Variants in ZBTB20 observed in about 807,000 individuals in gnomAD.
ZBTB20 encodes the protein zinc finger and BTB domain-containing protein 20.
In ZBTB20, 9 loss-of-function variants were observed where a neutral mutation model predicts 56.9. The ratio of observed to expected loss-of-function variants is 0.16; its 90% CI spans 0.10 to 0.28. The LOEUF is 0.28. Ranked by LOEUF, ZBTB20 falls within the 10% of genes least tolerant of loss-of-function variation. The pLI is 1.00. For synonymous variants in ZBTB20, 417 were observed against 420.7 expected, an observed-to-expected ratio of 0.99 and a Z score of 0.11; for missense variants, 655 against 1,003.0, an observed-to-expected ratio of 0.65 and a Z score of 4.69.
At chr3:114,418,121 A>G (rs1179920132) in intron 7 of ZBTB20, among the ~76,000 whole-genome samples, 1 of 150,560 alleles carries the variant, frequency 6.6e-6, no homozygotes, top group Middle Eastern at 3.4e-3. Context: ...AGGAAGAAGG[A>G]TCAACCTTGA....
At chr3:114,511,709 G>A (rs567526618) in intron 6 of ZBTB20, among the ~76,000 whole-genome samples, 45 of 152,062 alleles carry the variant, frequency 3.0e-4, no homozygotes, top group African/African-American at 1.0e-3. Context: ...TAGAACTGGA[G>A]ACCTTATAGA....
At chr3:115,042,175 G>C (rs2108395106) in intron 2 of ZBTB20, among the ~76,000 whole-genome samples, 1 of 152,208 alleles carries the variant, frequency 6.6e-6, no homozygotes, top group East Asian at 1.9e-4. Flanking sequence ...AATTTGAGAT[G>C]TACAGAGGAA....
At chr3:114,763,966 A>T (rs142271143) in intron 5 of ZBTB20, among the ~76,000 whole-genome samples, 34 of 152,330 alleles carry the variant, frequency 2.2e-4, no homozygotes, top group Non-Finnish European at 4.4e-4. Context: ...ACACTTATGA[A>T]GGAAGACTAT....
intron 3 of ZBTB20, among the ~76,000 whole-genome samples, chr3:114,964,758 G>A (rs191457217): frequency 7.2e-5 from 11 of 152,172 alleles, no homozygotes; most frequent in Admixed American, 4.6e-4. Context: ...GACTGAGACC[G>A]AATTAAGAAT....
chr3:114,495,555 T>C (rs767925627), intron 7 of ZBTB20, among the ~76,000 whole-genome samples: 2 of 152,334 alleles, frequency 1.3e-5, no homozygotes, highest in Middle Eastern at 3.4e-3. Context: ...AGTAATACTT[T>C]ATTTCTCTTA....
chr3:114,410,418 G>C (rs914394104), intron 7 of ZBTB20, among the ~76,000 whole-genome samples: 2 of 152,096 alleles, frequency 1.3e-5, no homozygotes, highest in Non-Finnish European at 2.9e-5. Context: ...AAGGACATTA[G>C]AGAGAAACGA....
intron 4 of ZBTB20, among the ~76,000 whole-genome samples, chr3:114,888,194 G>A (rs1178254189): frequency 6.6e-6 from 1 of 151,998 alleles, no homozygotes; most frequent in Non-Finnish European, 1.5e-5. Context: ...GAGGCAGGAG[G>A]ACTGCTGGAG....
chr3:114,673,449 C>A (rs949678752), intron 6 of ZBTB20, among the ~76,000 whole-genome samples: 2 of 152,140 alleles, frequency 1.3e-5, no homozygotes, highest in Non-Finnish European at 2.9e-5. Context: ...ATAACCTCGA[C>A]TATTTAACTG....
intron 6 of ZBTB20, among the ~76,000 whole-genome samples, chr3:114,632,356 C>G (rs957835751): frequency 6.6e-6 from 1 of 152,148 alleles, no homozygotes; most frequent in African/African-American, 2.4e-5. Flanking sequence ...CACATGCACA[C>G]CCCCCTCTCC....
chr3:114,817,881 T>C (rs957591877), intron 4 of ZBTB20, among the ~76,000 whole-genome samples: 18 of 152,124 alleles, frequency 1.2e-4, no homozygotes, highest in Non-Finnish European at 2.4e-4. Flanking sequence ...GAAAGCAAGT[T>C]AGATTATGCT....
At chr3:115,001,526 T>C (rs917042459) in intron 2 of ZBTB20, among the ~76,000 whole-genome samples, 1 of 147,142 alleles carries the variant, frequency 6.8e-6, no homozygotes. Context: ...TACACAAGTT[T>C]AGGGATTTTT....
chr3:114,600,972 T>TTC (rs1553763895), intron 6 of ZBTB20, among the ~76,000 whole-genome samples: 5 of 151,932 alleles, frequency 3.3e-5, no homozygotes, highest in Admixed American at 6.6e-5. Context: ...TTTTTTTTTT[T>TTC]TCTCTAGGGA....
At chr3:114,895,404 T>A (rs145754545) in intron 4 of ZBTB20, among the ~76,000 whole-genome samples, 1 of 152,174 alleles carries the variant, frequency 6.6e-6, no homozygotes, top group Non-Finnish European at 1.5e-5. Context: ...ATGAGAGTTG[T>A]CTGGGTTGTG....
chr3:114,907,467 CT>C (rs2075363923), intron 3 of ZBTB20, among the ~76,000 whole-genome samples: 1 of 151,774 alleles, frequency 6.6e-6, no homozygotes, highest in African/African-American at 2.4e-5. Flanking sequence ...CAGAACAAGT[CT>C]GAGATGCACC....
intron 3 of ZBTB20, among the ~76,000 whole-genome samples, chr3:114,924,472 A>G (rs564089395): frequency 2.0e-5 from 3 of 152,360 alleles, no homozygotes; most frequent in Non-Finnish European, 4.4e-5. Context: ...AGAAAGACAA[A>G]TAGTCTGTGA....
chr3:115,013,904 C>T (rs1326707734), intron 2 of ZBTB20, among the ~76,000 whole-genome samples: 1 of 106,332 alleles, frequency 9.4e-6, no homozygotes, highest in Admixed American at 9.8e-5. Context: ...CCAGCAATCC[C>T]TATATGTGTG....
intron 4 of ZBTB20, among the ~76,000 whole-genome samples, chr3:114,843,110 G>A (rs190350447): frequency 2.6e-5 from 4 of 152,120 alleles, no homozygotes; most frequent in African/African-American, 4.8e-5. Flanking sequence ...CTTCTGCCAT[G>A]ATTATAAGTT....
At chr3:114,582,829 G>T (rs2054794116) in intron 6 of ZBTB20, among the ~76,000 whole-genome samples, 1 of 152,180 alleles carries the variant, frequency 6.6e-6, no homozygotes, top group Non-Finnish European at 1.5e-5. Context: ...GCACTTCACA[G>T]CCAAACATGC....
At chr3:114,756,257 A>G (rs2068003983) in intron 5 of ZBTB20, among the ~76,000 whole-genome samples, 1 of 152,180 alleles carries the variant, frequency 6.6e-6, no homozygotes, top group African/African-American at 2.4e-5. Context: ...AAAATAATTG[A>G]CATATTTCAT....
Sources: allele counts gnomAD v4.1 joint callset (sites outside exome capture counted in the v4.1 genomes callset), GRCh38; gene constraint gnomAD v4.1.1; transcripts MANE v1.5; gene names NCBI Gene and HGNC (gene_info 2026-07-23, HGNC 2026-07-21).